The following ERC2 variants were observed in gnomAD, a reference collection of about 807,000 sequenced individuals.
ERC2 encodes the protein ERC protein 2.
A neutral mutation model predicts 114.8 loss-of-function variants in ERC2; 42 were observed. The ratio of observed to expected loss-of-function variants is 0.37; its 90% CI spans 0.29 to 0.47. The LOEUF (loss-of-function observed/expected upper bound fraction) is 0.47. ERC2 is among the 20% of genes least tolerant of loss of function. ERC2 has a pLI of 0.99. For missense variants in ERC2, 939 were observed against 1,150.7 expected (o/e 0.82, Z 2.66); for synonymous variants, 454 against 425.5 (o/e 1.07, Z -0.82).
intron 3 of ERC2, among the ~76,000 whole-genome samples, chr3:56,268,822 A>G (rs1411727299): frequency 6.6e-6 from 1 of 152,154 alleles, no homozygotes; most frequent in Non-Finnish European, 1.5e-5. Context: ...ACAAGTTCTA[A>G]TTTTCACCAG....
At chr3:55,916,032 T>C (rs2065072025) in intron 13 of ERC2, among the ~76,000 whole-genome samples, 1 of 152,184 alleles carries the variant, frequency 6.6e-6, no homozygotes. Context: ...CACACAGAGC[T>C]GCTGATGCAA....
At chr3:56,468,026 C>T (rs1368253378) in intron 1 of ERC2, among the ~76,000 whole-genome samples, 1 of 152,026 alleles carries the variant, frequency 6.6e-6, no homozygotes, top group African/African-American at 2.4e-5. Flanking sequence ...TGTTCCAATC[C>T]GGGGGTTTAT....
intron 17 of ERC2, among the ~76,000 whole-genome samples, chr3:55,643,733 C>T (rs11915510): frequency 9.1e-4 from 139 of 152,132 alleles, no homozygotes; most frequent in African/African-American, 2.4e-3. Flanking sequence ...AACAAGCATA[C>T]CTTTGGAGAA....
At chr3:55,610,434 G>A (rs1158967597) in intron 17 of ERC2, 1 of 151,686 alleles carries the variant, frequency 6.6e-6, no homozygotes, top group East Asian at 1.9e-4. Context: ...AATATCCCCT[G>A]AGGAGAACTG....
At position 55,539,567 on chromosome 3, in the gene ERC2, C is replaced by T. The variant is rs554563213; in HGVS notation, c.*40-28291G>A. ...CCTCCCGAGTAGTTGGGACTACAGA[C>T]GCCTGCCACCATACCAGGCTGATTT... is the stretch of plus-strand genomic sequence containing the variant. On this transcript the variant is annotated intron_variant, in intron 17 of 17. Coordinates refer to ENST00000288221, the MANE Select transcript of ERC2 (RefSeq NM_015576.3). Among the ~76,000 whole-genome samples, 8 of 151,454 alleles carry T rather than the reference C, an allele frequency of 5.3e-5. No individual in the cohort carries two copies. The East Asian group carries it at 5.8e-4, about 11-fold the overall frequency.
intron 13 of ERC2, among the ~76,000 whole-genome samples, chr3:55,922,224 A>G (rs2065470332): frequency 6.6e-6 from 1 of 152,134 alleles, no homozygotes; most frequent in African/African-American, 2.4e-5. Context: ...ATGCTCCCAG[A>G]GTGACGTTTC....
chr3:55,636,419 G>A (rs1486753948), intron 17 of ERC2, among the ~76,000 whole-genome samples: 1 of 152,028 alleles, frequency 6.6e-6, no homozygotes, highest in African/African-American at 2.4e-5. Flanking sequence ...TGCAAAATGG[G>A]GTAATAACAT....
intron 2 of ERC2, among the ~76,000 whole-genome samples, chr3:56,399,689 A>T (rs902633922): frequency 6.6e-6 from 1 of 152,160 alleles, no homozygotes; most frequent in African/African-American, 2.4e-5. Flanking sequence ...TTTATTCCAA[A>T]TAATGTATAT....
intron 17 of ERC2, among the ~76,000 whole-genome samples, chr3:55,664,625 T>C (rs923969877): frequency 6.6e-6 from 1 of 152,154 alleles, no homozygotes; most frequent in Non-Finnish European, 1.5e-5. Context: ...ACTTACATCC[T>C]GCTTTGTCTC....
At chr3:56,191,329 C>A (rs1415293505) in intron 3 of ERC2, among the ~76,000 whole-genome samples, 1 of 152,140 alleles carries the variant, frequency 6.6e-6, no homozygotes, top group African/African-American at 2.4e-5. Context: ...GGAGGAGGCA[C>A]ACTGCAAACT....
chr3:55,554,323 G>T (rs1364177413), intron 17 of ERC2, among the ~76,000 whole-genome samples: 2 of 152,256 alleles, frequency 1.3e-5, no homozygotes, highest in East Asian at 3.9e-4. Context: ...GACCAAAGAT[G>T]GCCTCTTTGT....
In ERC2 at chr3:56,000,780, C is replaced by T. The variant is rs1405940483; in HGVS notation, c.2061+6401G>A. ...CACTGGCACAGGAAGGAGGCAAGCA[C>T]GGTGGCACATGTTTGTAGTCTCAGC... On this transcript the variant is annotated intron_variant, in intron 10 of 17. Coordinates refer to ENST00000288221, the MANE Select transcript of ERC2 (RefSeq NM_015576.3). Among the ~76,000 whole-genome samples the T allele has an allele frequency of 3.3e-5, 5 of 151,674 alleles. 1 individual carries two copies. The highest frequency in any genetic ancestry group is 4.2e-4 in the South Asian group (2 of 4,810).
chr3:55,735,253 C>G (rs917463943), intron 14 of ERC2, among the ~76,000 whole-genome samples: 14 of 152,166 alleles, frequency 9.2e-5, no homozygotes, highest in African/African-American at 3.4e-4. Context: ...CATCAATTTG[C>G]CAAGAGTCTT....
intron 14 of ERC2, among the ~76,000 whole-genome samples, chr3:55,799,450 C>CATATATATATATATATATATATATGCAT (rs2070848903): frequency 6.6e-5 from 7 of 106,208 alleles, no homozygotes; most frequent in South Asian, 3.3e-4. Context: ...TATATATATG[C>CATATATATATATATATATATATATGCAT]ATATATATAT....
chr3:55,824,338 C>T (rs1055729331), intron 14 of ERC2, among the ~76,000 whole-genome samples: 1 of 152,170 alleles, frequency 6.6e-6, no homozygotes, highest in Non-Finnish European at 1.5e-5. Flanking sequence ...GATGGCCAAC[C>T]TTCCATCATC....
chr3:56,115,317 G>A (rs563089716), intron 6 of ERC2, among the ~76,000 whole-genome samples: 1 of 152,240 alleles, frequency 6.6e-6, no homozygotes, highest in South Asian at 2.1e-4. Context: ...CCATTACATA[G>A]GCATGCCTGA....
At chr3:55,831,142 C>CAA (rs576800724) in intron 14 of ERC2, among the ~76,000 whole-genome samples, 220 of 105,856 alleles carry the variant, frequency 2.1e-3, no homozygotes, top group African/African-American at 6.2e-3. Context: ...CCCCTCTCTA[C>CAA]AAAAAAAAAA....
chr3:56,324,423 TA>T (rs2057265047), intron 2 of ERC2, among the ~76,000 whole-genome samples: 1 of 152,198 alleles, frequency 6.6e-6, no homozygotes, highest in Non-Finnish European at 1.5e-5. Context: ...AAAATGCATC[TA>T]ATACACAATC....
chr3:56,426,493 C>T (rs953193655), intron 2 of ERC2, among the ~76,000 whole-genome samples: 4 of 152,240 alleles, frequency 2.6e-5, no homozygotes, highest in Non-Finnish European at 5.9e-5. Context: ...TCCACTCCCC[C>T]TCTGCCTTGG....
Sources: allele counts gnomAD v4.1 joint callset (sites outside exome capture counted in the v4.1 genomes callset), GRCh38; gene constraint gnomAD v4.1.1; transcripts MANE v1.5; gene names NCBI Gene and HGNC (gene_info 2026-07-23, HGNC 2026-07-21).